Variants in MYO3B observed in about 807,000 individuals in gnomAD.
The protein encoded by MYO3B is myosin IIIB.
MYO3B carries 156 observed loss-of-function variants against 174.6 expected under a neutral mutation model. The ratio of observed to expected loss-of-function variants is 0.89; its 90% CI spans 0.78 to 1.02. MYO3B has a LOEUF of 1.02. Ranked by LOEUF, MYO3B falls within the 50% of genes least tolerant of loss-of-function variation. The pLI is 0.00. For synonymous variants in MYO3B, 563 were observed against 569.1 expected (o/e 0.99, Z 0.15); for missense variants, 1,632 against 1,639.4 (o/e 1.00, Z 0.08).
At chr2:170,621,605 G>A (rs768772191) in intron 32 of MYO3B, among the ~76,000 whole-genome samples, 1 of 151,784 alleles carries the variant, frequency 6.6e-6, no homozygotes, top group Non-Finnish European at 1.5e-5. Context: ...CGCCTCCCAG[G>A]TTCAAGTGAT....
chr2:170,425,445 A>T (rs1311628064), intron 22 of MYO3B, among the ~76,000 whole-genome samples: 1 of 152,348 alleles, frequency 6.6e-6, no homozygotes, highest in African/African-American at 2.4e-5. Flanking sequence ...TGAACTTGAG[A>T]GCTGGAGGTT....
intron 9 of MYO3B, among the ~76,000 whole-genome samples, chr2:170,379,813 T>C (rs2094322373): frequency 6.6e-6 from 1 of 152,208 alleles, no homozygotes; most frequent in Admixed American, 6.5e-5. Context: ...GCAAAACTGG[T>C]TCTAGGACTG....
At chr2:170,577,679 A>G (rs1692866533) in intron 32 of MYO3B, among the ~76,000 whole-genome samples, 1 of 152,178 alleles carries the variant, frequency 6.6e-6, no homozygotes, top group Admixed American at 6.5e-5. Flanking sequence ...TAGTGTTAAT[A>G]TTACTGGGCA....
At chr2:170,483,789 T>C (rs187651994) in intron 25 of MYO3B, among the ~76,000 whole-genome samples, 9 of 152,318 alleles carry the variant, frequency 5.9e-5, no homozygotes, top group African/African-American at 1.7e-4. Flanking sequence ...GGCATGGGGA[T>C]GGCAAATACA....
intron 7 of MYO3B, among the ~76,000 whole-genome samples, chr2:170,300,070 A>G (rs777322806): frequency 2.6e-5 from 4 of 152,140 alleles, no homozygotes; most frequent in Non-Finnish European, 5.9e-5. Flanking sequence ...TGATCCTCAC[A>G]CCCGCTCTGA....
rs1699020702 is a variant in MYO3B, at chr2:170,651,686, C to G, written c.3792C>G (p.Pro1264=). The G allele has an allele frequency of 6.2e-7, 1 of 1,613,842 alleles. No individual in the cohort carries two copies. The highest frequency in any genetic ancestry group is 8.5e-7 in the Non-Finnish European group (1 of 1,179,950). ...HRTPRRRCQQ[P]KMLSSPEDTM... ...CACCTCGCCGACGATGTCAGCAGCC[C>G]AAAATGCTGAGTAGCCCTGAGGACA... Residue 1264 remains proline, a synonymous_variant, in exon 33 of 35, where the codon CCC becomes CCG. Coordinates refer to ENST00000408978, the MANE Select transcript of MYO3B (RefSeq NM_138995.5).
rs1051235136 is a variant in MYO3B at position 170,199,063 on chromosome 2, T to C, written c.3-145T>C. 1.0e-4 allele frequency: 57 copies of C among 565,616 alleles called. 1 individual carries two copies. The South Asian group carries it at 2.0e-3, about 19-fold the overall frequency. The allele number at this position is 565,616 out of a possible 1,614,324, so 35.0% of individuals were successfully genotyped here. ...TTTCTTAAGGAGGGTCCAAGTTCTT[T>C]TTCAAAAAATTTATTTACAATAGAG... On this transcript the variant is annotated intron_variant, in intron 1 of 34. Coordinates refer to ENST00000408978, the MANE Select transcript of MYO3B (RefSeq NM_138995.5).
In MYO3B at chr2:170,654,885, TTATAAG is replaced by T. The variant is rs1051430634; in HGVS notation, c.*1767_*1772del. ...CTGAACTTCACCCAAAAGGTAATGTTTATAAGTAGAGCAGAAAAAATGCAGATAAAT... is the reference window on the plus strand; with the variant it reads ...CTGAACTTCACCCAAAAGGTAATGTTTAGAGCAGAAAAAATGCAGATAAAT... On this transcript the variant is annotated 3_prime_UTR_variant, in exon 35 of 35. Coordinates refer to ENST00000408978, the MANE Select transcript of MYO3B (RefSeq NM_138995.5). 5.3e-5 allele frequency: 8 copies of T among 152,080 alleles called. No individual in the cohort carries two copies. Among genetic ancestry groups the T allele is most frequent in the Admixed American group, 3.3e-4 (5 of 15,178 alleles). 9.4% of individuals were successfully genotyped at this position (152,080 alleles called of 1,614,324 possible).
At chr2:170,264,821 T>C (rs2093370968) in intron 7 of MYO3B, among the ~76,000 whole-genome samples, 1 of 152,146 alleles carries the variant, frequency 6.6e-6, no homozygotes, top group Non-Finnish European at 1.5e-5. Flanking sequence ...TGGCTTAGTT[T>C]TGGAGGATGG....
At chr2:170,478,596 T>G in intron 25 of MYO3B, among the ~76,000 whole-genome samples, 2 of 133,160 alleles carry the variant, frequency 1.5e-5, no homozygotes. Context: ...TGAGATGGAG[T>G]CTCACTCTGT....
intron 32 of MYO3B, among the ~76,000 whole-genome samples, chr2:170,611,968 G>T (rs1695149497): frequency 6.6e-6 from 1 of 152,140 alleles, no homozygotes; most frequent in African/African-American, 2.4e-5. Flanking sequence ...GAAAAATTAT[G>T]TTGTCTGTAG....
intron 23 of MYO3B, among the ~76,000 whole-genome samples, chr2:170,455,366 G>T (rs1683849825): frequency 6.6e-6 from 1 of 152,140 alleles, no homozygotes; most frequent in South Asian, 2.1e-4. Context: ...TGTAATAATT[G>T]TCTCAGTTAT....
chr2:170,452,492 G>T (rs572860664), intron 23 of MYO3B, among the ~76,000 whole-genome samples: 10 of 152,094 alleles, frequency 6.6e-5, no homozygotes, highest in Non-Finnish European at 1.5e-4. Flanking sequence ...AAAGATAAAG[G>T]CCTTTTAAGT....
At chr2:170,392,303 A>G in intron 15 of MYO3B, 78 bp from the exon 16 acceptor site, 2 of 1,040,332 alleles carry the variant, frequency 1.9e-6, no homozygotes, top group Admixed American at 4.3e-5. Context: ...TAAACAAACA[A>G]CAAACAAAAA....
chr2:170,608,667 AAG>A (rs1013444433), intron 32 of MYO3B, among the ~76,000 whole-genome samples: 50 of 150,126 alleles, frequency 3.3e-4, no homozygotes, highest in Admixed American at 6.0e-4. Context: ...TTCAAGCCCA[AAG>A]AGAGAGAGAG....
chr2:170,587,103 T>C (rs1335429641), intron 32 of MYO3B, among the ~76,000 whole-genome samples: 1 of 152,228 alleles, frequency 6.6e-6, no homozygotes. Context: ...AAAAATTACA[T>C]AAACATCTGT....
At chr2:170,628,643 C>G (rs1475780056) in intron 32 of MYO3B, among the ~76,000 whole-genome samples, 1 of 152,042 alleles carries the variant, frequency 6.6e-6, no homozygotes, top group Non-Finnish European at 1.5e-5. Flanking sequence ...GAGCTGTAGA[C>G]TGGAGCTGTG....
chr2:170,292,460 T>C (rs1340326552), intron 7 of MYO3B, among the ~76,000 whole-genome samples: 1 of 152,116 alleles, frequency 6.6e-6, no homozygotes, highest in African/African-American at 2.4e-5. Context: ...AGGTAATGGG[T>C]CTGTTTGCTG....
At chr2:170,215,717 TAGC>T (rs1379328493) in intron 5 of MYO3B, among the ~76,000 whole-genome samples, 3 of 152,122 alleles carry the variant, frequency 2.0e-5, no homozygotes, top group African/African-American at 4.8e-5. Flanking sequence ...CAAAGAAAAA[TAGC>T]AGAGGGAGCA....
Sources: allele counts gnomAD v4.1 joint callset (sites outside exome capture counted in the v4.1 genomes callset), GRCh38; gene constraint gnomAD v4.1.1; transcripts MANE v1.5; gene names NCBI Gene and HGNC (gene_info 2026-07-23, HGNC 2026-07-21).